The following NLRP11 variants were observed in gnomAD, a reference collection of about 807,000 sequenced individuals.
The protein encoded by NLRP11 is NLR family pyrin domain containing 11.
In NLRP11, 53 loss-of-function variants were observed where a neutral mutation model predicts 79.3. The observed-to-expected ratio is 0.67, with a 90% confidence interval of 0.54 to 0.84. The LOEUF (loss-of-function observed/expected upper bound fraction) is 0.84, where lower values mean the gene tolerates loss of function less well. NLRP11 is among the 40% of genes least tolerant of loss of function. The probability of loss-of-function intolerance (pLI) is 0.00; values close to 1 mark genes in which losing one functional copy is unlikely to be tolerated. For missense variants in NLRP11, 1,264 were observed against 1,255.0 expected (o/e 1.01, Z -0.11); for synonymous variants, 518 against 462.6 (o/e 1.12, Z -1.54).
At chr19:55,792,729 G>T (rs1360597832) in intron 6 of NLRP11, among the ~76,000 whole-genome samples, 1 of 152,204 alleles carries the variant, frequency 6.6e-6, no homozygotes, top group Non-Finnish European at 1.5e-5. Flanking sequence ...TAATCTTATA[G>T]ACGTTACTTC....
intron 2 of NLRP11, among the ~76,000 whole-genome samples, chr19:55,815,267 G>A (rs1348850099): frequency 1.3e-5 from 2 of 152,134 alleles, no homozygotes; most frequent in Non-Finnish European, 2.9e-5. Context: ...GGTGGCTTAT[G>A]CCTGTAGCCC....
intron 9 of NLRP11, 74 bp from the exon 10 acceptor site, chr19:55,785,945 T>C: frequency 6.8e-7 from 1 of 1,463,834 alleles, no homozygotes; most frequent in African/African-American, 1.4e-5. Context: ...AATGACTAAT[T>C]CCCCATATGG....
In NLRP11 at chr19:55,796,286, G is replaced by A. The variant is rs776641160; in HGVS notation, c.2172-36C>T. 25 of 1,535,480 alleles carry A rather than the reference G, an allele frequency of 1.6e-5. No homozygotes were observed. In the East Asian group the frequency reaches 4.1e-4, roughly 25 times the overall value. On this transcript the variant is annotated intron_variant, in intron 5 of 9. Transcript: ENST00000589093. Reference sequence around the variant, plus strand: ...AATTCAGAAATGAAAAGAGGCTCCCGCGTTTAAGCTATCCCCTCTTTTAAA... The same window carrying A: ...AATTCAGAAATGAAAAGAGGCTCCCACGTTTAAGCTATCCCCTCTTTTAAA...
At position 55,789,417 on chromosome 19, in the gene NLRP11, G is replaced by A. The variant is rs1372538356; in HGVS notation, c.2514-18C>T. 4.4e-6 allele frequency: 7 copies of A among 1,603,568 alleles called. No individual in the cohort carries two copies. The highest frequency in any genetic ancestry group is 6.0e-6 in the Non-Finnish European group (7 of 1,175,488). The stretch of plus-strand genomic sequence containing the variant: ...CAGACAGACTGCAAAACAGAAACAT[G>A]AGCTAGAGTCATGACCACCTGTCTC... On this transcript the variant is annotated intron_variant, in intron 7 of 9. Transcript: ENST00000589093.
chr19:55,795,499 AT>A (rs937778402), intron 6 of NLRP11, among the ~76,000 whole-genome samples: 1 of 150,470 alleles, frequency 6.6e-6, no homozygotes, highest in Non-Finnish European at 1.5e-5. Context: ...TTTATTTTTT[AT>A]TTTTTTTGAG....
chr19:55,785,450 C>CTTGAGACAGT (rs746350834), exon 10 of NLRP11: 5 of 614,086 alleles, frequency 8.1e-6, no homozygotes, highest in Non-Finnish European at 1.4e-5. Context: ...TTTTAATACT[C>CTTGAGACAGT]TTGAGACAGT....
At chr19:55,787,675 T>C (rs530715500) in intron 9 of NLRP11, among the ~76,000 whole-genome samples, 1 of 152,328 alleles carries the variant, frequency 6.6e-6, no homozygotes, top group African/African-American at 2.4e-5. Context: ...TGGTGAGATG[T>C]CACTTTTTTG....
At chr19:55,794,413 A>G (rs1978597973) in intron 6 of NLRP11, among the ~76,000 whole-genome samples, 1 of 152,182 alleles carries the variant, frequency 6.6e-6, no homozygotes, top group African/African-American at 2.4e-5. Context: ...GCTCATATTG[A>G]CAATTACTTA....
rs1171473599 is a variant in NLRP11, at chr19:55,823,135, AC to A, written c.-62-4900del. Among the ~76,000 whole-genome samples, 3 of 146,296 alleles carry A rather than the reference AC, an allele frequency of 2.1e-5. No individual in the cohort carries two copies. In the East Asian group the frequency reaches 6.2e-4, roughly 30 times the overall value. The stretch of plus-strand genomic sequence containing the variant: ...CCCCCAAGCAGCCTAACTGGGAGGC[AC>A]CCCCCAGCAGGAGCACACTGACACC... On this transcript the variant is annotated intron_variant, in intron 1 of 9. Coordinates refer to ENST00000589093, the Ensembl canonical transcript of NLRP11.
intron 1 of NLRP11, among the ~76,000 whole-genome samples, chr19:55,823,299 C>A (rs1252938752): frequency 7.4e-6 from 1 of 135,002 alleles, no homozygotes; most frequent in African/African-American, 3.1e-5. Flanking sequence ...TAGATAAAAC[C>A]ACAAAGATGG....
At chr19:55,817,920 G>A in exon 2 of NLRP11, 20 of 1,605,590 alleles carry the variant, frequency 1.2e-5, no homozygotes, top group Non-Finnish European at 1.7e-5. Context: ...GTCTGCCAAT[G>A]ATCTTCCTAC....
chr19:55,822,953 G>T (rs918276918), intron 1 of NLRP11, among the ~76,000 whole-genome samples: 2 of 152,150 alleles, frequency 1.3e-5, no homozygotes, highest in African/African-American at 2.4e-5. Context: ...CTCCACCTCT[G>T]GGGGCAGGGC....
intron 5 of NLRP11, among the ~76,000 whole-genome samples, chr19:55,799,711 A>G (rs968969395): frequency 2.6e-5 from 4 of 152,118 alleles, no homozygotes; most frequent in Non-Finnish European, 4.4e-5. Context: ...TCAGAAAGAA[A>G]GTGAGGGGCT....
intron 7 of NLRP11, among the ~76,000 whole-genome samples, chr19:55,790,559 C>T (rs557426904): frequency 6.6e-6 from 1 of 152,292 alleles, no homozygotes; most frequent in African/African-American, 2.4e-5. Flanking sequence ...ACTGATGTAT[C>T]CCAGCCACCT....
chr19:55,801,600 C>G (rs191672205), exon 5 of NLRP11: 1 of 1,614,056 alleles, frequency 6.2e-7, no homozygotes, highest in East Asian at 2.2e-5. Context: ...CATGTGGGCT[C>G]GTGCAGGATG....
exon 10 of NLRP11, chr19:55,785,575 T>G: frequency 6.5e-7 from 1 of 1,528,238 alleles, no homozygotes. Flanking sequence ...TTCTCTTGCA[T>G]CCCAGTCACG....
exon 3 of NLRP11, chr19:55,810,122 A>G: frequency 1.2e-6 from 2 of 1,614,196 alleles, no homozygotes; most frequent in South Asian, 1.1e-5. Flanking sequence ...AGCCAGATTT[A>G]TAACAATAGT....
intron 3 of NLRP11, 34 bp downstream of exon 3, chr19:55,808,735 G>A: frequency 6.4e-7 from 1 of 1,559,546 alleles, no homozygotes; most frequent in Non-Finnish European, 8.7e-7. Context: ...GTCTTAGGAA[G>A]ACAGGAAAGA....
chr19:55,791,814 G>A (rs1009852977), intron 7 of NLRP11, among the ~76,000 whole-genome samples: 6 of 152,110 alleles, frequency 3.9e-5, no homozygotes, highest in Non-Finnish European at 7.4e-5. Context: ...AGAGGCCATT[G>A]CATCATGCCT....
Sources: allele counts gnomAD v4.1 joint callset (sites outside exome capture counted in the v4.1 genomes callset), GRCh38; gene constraint gnomAD v4.1.1; transcripts MANE v1.5; gene names NCBI Gene and HGNC (gene_info 2026-07-23, HGNC 2026-07-21).